CMYA5: variants seen among roughly 807,000 people sequenced by gnomAD.
CMYA5 encodes cardiomyopathy-associated protein 5.
A neutral mutation model predicts 318.9 loss-of-function variants in CMYA5; 246 were observed. That is an observed-to-expected ratio of 0.77 (90% CI 0.70 to 0.86). The LOEUF (loss-of-function observed/expected upper bound fraction) is 0.86, where lower values mean the gene tolerates loss of function less well. CMYA5 is among the 40% of genes least tolerant of loss of function. CMYA5 has a pLI of 0.00. For missense variants in CMYA5, 4,589 were observed against 4,678.2 expected (o/e 0.98, Z 0.56); for synonymous variants, 1,641 against 1,729.5 (o/e 0.95, Z 1.27).
At chr5:79,698,460 C>T (rs983600378) in intron 1 of CMYA5, among the ~76,000 whole-genome samples, 1 of 152,188 alleles carries the variant, frequency 6.6e-6, no homozygotes, top group African/African-American at 2.4e-5. Context: ...TGACTGGCCC[C>T]TGTCTACCTC....
In CMYA5 at chr5:79,734,755, C is replaced by G; in HGVS notation, c.5990C>G (p.Ala1997Gly). 6.2e-7 allele frequency: 1 copy of G among 1,613,748 alleles called. No individual in the cohort carries two copies. The highest frequency in any genetic ancestry group is 8.5e-7 in the Non-Finnish European group (1 of 1,179,804). The change falls in exon 2 of 13, where the codon GCT (alanine) becomes GGT (glycine). Residue 1997 changes from alanine to glycine, a missense_variant. Around this residue, in one of 3 missense-constraint regions of CMYA5, gnomAD observed 2,431 missense variants for 2,495.1 expected, o/e 0.97. Coordinates refer to ENST00000446378, the MANE Select transcript of CMYA5 (RefSeq NM_153610.5). ...LAEEPKSLVL[A>G]GNVERNIAEG... Reference sequence around the variant, plus strand: ...GAAGAACCAAAGTCTTTAGTCCTAGCTGGAAATGTAGAGAGAAACATAGCA... The same window carrying G: ...GAAGAACCAAAGTCTTTAGTCCTAGGTGGAAATGTAGAGAGAAACATAGCA...
Position 79,737,728 on chromosome 5 carries a change from C to T in CMYA5, c.8963C>T (p.Thr2988Ile), listed in dbSNP as rs1360803622. The T allele has an allele frequency of 6.2e-7, 1 of 1,612,184 alleles. No homozygotes were observed. The highest frequency in any genetic ancestry group is 1.7e-5 in the Admixed American group (1 of 59,686). ...TTGGAAGAGAAAGCCTCATTTAAAA[C>T]CATACCACTCCCTGATGATAGTGAA... ...EYLEEKASFK[T>I]IPLPDDSETV... The change falls in exon 2 of 13, where the codon ACC becomes ATC. Residue 2988 changes from threonine (T) to isoleucine (I), a missense_variant. Coordinates refer to ENST00000446378, the MANE Select transcript of CMYA5 (RefSeq NM_153610.5).
chr5:79,706,237 G>T (rs1442989436), intron 1 of CMYA5, among the ~76,000 whole-genome samples: 4 of 152,122 alleles, frequency 2.6e-5, no homozygotes, highest in Non-Finnish European at 4.4e-5. Flanking sequence ...TGATTATGAG[G>T]TGAGATGGTC....
At chr5:79,778,696 C>T (rs890016603) in intron 9 of CMYA5, among the ~76,000 whole-genome samples, 13 of 150,676 alleles carry the variant, frequency 8.6e-5, no homozygotes, top group African/African-American at 1.5e-4. Flanking sequence ...AATTTTTTAC[C>T]GTGCATATTT....
intron 1 of CMYA5, among the ~76,000 whole-genome samples, chr5:79,717,904 T>A (rs1179127754): frequency 4.3e-5 from 2 of 46,962 alleles, no homozygotes; most frequent in African/African-American, 3.4e-4. Flanking sequence ...TTTTTTTTTT[T>A]TTGAGACGGA....
chr5:79,691,216 A>C (rs1489050505), intron 1 of CMYA5, among the ~76,000 whole-genome samples: 1 of 152,210 alleles, frequency 6.6e-6, no homozygotes, highest in Non-Finnish European at 1.5e-5. Context: ...GACTACAAAC[A>C]GGAAGAGCAG....
At chr5:79,690,457 G>A (rs1826946440) in intron 1 of CMYA5, among the ~76,000 whole-genome samples, 1 of 152,154 alleles carries the variant, frequency 6.6e-6, no homozygotes, top group Admixed American at 6.5e-5. Flanking sequence ...TCCGATGAAT[G>A]GCGGTCTCCC....
At chr5:79,728,330 TTTC>T (rs201404012) in intron 1 of CMYA5, among the ~76,000 whole-genome samples, 25 of 138,130 alleles carry the variant, frequency 1.8e-4, no homozygotes, top group East Asian at 9.5e-4. Flanking sequence ...TTTTTTTTTT[TTTC>T]TTCTGTGGAT....
In CMYA5 at chr5:79,735,173, C is replaced by T; in HGVS notation, c.6408C>T (p.Ser2136=). 1.2e-6 allele frequency: 2 copies of T among 1,613,664 alleles called. No homozygotes were observed. Among genetic ancestry groups the T allele is most frequent in the Non-Finnish European group, 1.7e-6 (2 of 1,179,768 alleles). The change falls in exon 2 of 13, where the codon TCC becomes TCT. Residue 2136 remains serine, a synonymous_variant. Coordinates refer to ENST00000446378, the MANE Select transcript of CMYA5 (RefSeq NM_153610.5). ...TACCCACACAAAGAAAACCCATCTC[C>T]TCAATCCATGCAAGAGAGCCTCAAT... ...VKIPTQRKPI[S]SIHAREPQSP...
intron 9 of CMYA5, among the ~76,000 whole-genome samples, chr5:79,769,193 C>A (rs1828811149): frequency 2.0e-5 from 3 of 151,884 alleles, no homozygotes; most frequent in African/African-American, 4.8e-5. Context: ...TTAGAAATTC[C>A]TCTAACCTTT....
intron 1 of CMYA5, among the ~76,000 whole-genome samples, chr5:79,723,459 A>AAG (rs397762693): frequency 4.1e-5 from 6 of 147,116 alleles, no homozygotes; most frequent in Non-Finnish European, 9.0e-5. Flanking sequence ...AAAAAAAAAA[A>AAG]GAAAAGAAAA....
chr5:79,774,633 A>G (rs943415150), intron 9 of CMYA5, among the ~76,000 whole-genome samples: 10 of 152,182 alleles, frequency 6.6e-5, no homozygotes, highest in Non-Finnish European at 1.3e-4. Flanking sequence ...GGCTGAGGCT[A>G]TGGGCTGGGG....
In CMYA5 at chr5:79,732,891, G is replaced by A; in HGVS notation, c.4126G>A (p.Asp1376Asn). 1 of 1,613,744 alleles carries A rather than the reference G, an allele frequency of 6.2e-7. No individual in the cohort carries two copies. The highest frequency in any genetic ancestry group is 8.5e-7 in the Non-Finnish European group (1 of 1,179,796). Reference protein sequence around the residue: ...TRAVKEEIPTDSSLITPVDRP... With the variant: ...TRAVKEEIPTNSSLITPVDRP... Reference sequence around the variant, plus strand: ...AGCAGTAAAAGAAGAAATCCCAACAGATTCATCTCTTATCACTCCTGTAGA... The same window carrying A: ...AGCAGTAAAAGAAGAAATCCCAACAAATTCATCTCTTATCACTCCTGTAGA... Residue 1376 changes from aspartate to asparagine, a missense_variant, in exon 2 of 13, where the codon GAT becomes AAT. Around this residue, in one of 3 missense-constraint regions of CMYA5, gnomAD observed 2,132 missense variants for 2,131.3 expected, o/e 1.00. Transcript: ENST00000446378.
chr5:79,732,875 A>T lies in CMYA5; in HGVS notation c.4110A>T (p.Lys1370Asn). The change falls in exon 2 of 13, where the codon AAA becomes AAT. Residue 1370 changes from lysine (K) to asparagine (N), a missense_variant. Transcript: ENST00000446378. ...KLDSNLTRAVKEEIPTDSSLI... is the reference protein window; with the variant it reads ...KLDSNLTRAVNEEIPTDSSLI... The stretch of plus-strand genomic sequence containing the variant: ...ATTCAAACTTAACCAGAGCAGTAAA[A>T]GAAGAAATCCCAACAGATTCATCTC... 1 of 1,613,808 alleles carries T rather than the reference A, an allele frequency of 6.2e-7. No homozygotes were observed. Among genetic ancestry groups the T allele is most frequent in the South Asian group, 1.1e-5 (1 of 91,048 alleles).
Position 79,729,821 on chromosome 5 carries a change from A to G in CMYA5, c.1056A>G (p.Glu352=). The G allele has an allele frequency of 6.2e-7, 1 of 1,613,502 alleles. No homozygotes were observed. Among genetic ancestry groups the G allele is most frequent in the Non-Finnish European group, 8.5e-7 (1 of 1,179,650 alleles). The stretch of plus-strand genomic sequence containing the variant: ...CTTATTCAAGTAGTGGCAGAGCAGA[A>G]CAAGGAATACAGCTCAGGCATTCAC... ...VPSYSSSGRA[E]QGIQLRHSQS... Residue 352 remains glutamate, a synonymous_variant, in exon 2 of 13, where the codon GAA becomes GAG. Transcript: ENST00000446378.
intron 4 of CMYA5, 134 bp downstream of exon 4, chr5:79,745,589 CATT>C (rs1375769541): frequency 1.4e-6 from 1 of 691,052 alleles, no homozygotes; most frequent in African/African-American, 1.8e-5. Flanking sequence ...GGCATTTAAA[CATT>C]ATTTGGGCAT....
Position 79,729,899 on chromosome 5 carries a change from T to TC in CMYA5, c.1136dup (p.Ser380IlefsTer20). 10 of 1,613,042 alleles carry TC rather than the reference T, an allele frequency of 6.2e-6. No homozygotes were observed. The highest frequency in any genetic ancestry group is 8.5e-6 in the Non-Finnish European group (10 of 1,179,494). ...AAGCAAAACCACATGAAGTGGAACCTCCATCTGTGACACCCGACACACCTG... is the reference window on the plus strand; with the variant it reads ...AAGCAAAACCACATGAAGTGGAACCTCCCATCTGTGACACCCGACACACCTG... On this transcript the variant is annotated frameshift_variant, in exon 2 of 13. Coordinates refer to ENST00000446378, the MANE Select transcript of CMYA5 (RefSeq NM_153610.5). LOFTEE classifies it high-confidence loss of function.
chr5:79,778,825 G>T (rs1291935984), intron 9 of CMYA5, among the ~76,000 whole-genome samples: 1 of 117,076 alleles, frequency 8.5e-6, no homozygotes, highest in Non-Finnish European at 1.6e-5. Flanking sequence ...GTGTGTGTGT[G>T]TGTGTGTGTG....
In CMYA5 at chr5:79,733,330, T is replaced by G. The variant is rs746462149; in HGVS notation, c.4565T>G (p.Val1522Gly). The change falls in exon 2 of 13, where the codon GTG (valine) becomes GGG (glycine). Residue 1522 changes from valine (V) to glycine (G), a missense_variant. Val to Gly is a moderately radical substitution (Grantham distance 109). Coordinates refer to ENST00000446378, the MANE Select transcript of CMYA5 (RefSeq NM_153610.5). ...QKKSLMSTSEVLEPEHELPLS... is the reference protein window; with the variant it reads ...QKKSLMSTSEGLEPEHELPLS... ...AAGAGCTTGATGTCTACCTCAGAGG[T>G]GTTAGAGCCTGAACATGAGCTTCCA... The G allele has an allele frequency of 6.2e-7, 1 of 1,613,576 alleles. No individual in the cohort carries two copies. The highest frequency in any genetic ancestry group is 8.5e-7 in the Non-Finnish European group (1 of 1,179,796).
Sources: gnomAD v4.1 joint callset for allele counts (sites outside exome capture counted in the v4.1 genomes callset) on GRCh38, gnomAD v4.1.1 for gene constraint, gnomAD v4.1.1 regional missense constraint, MANE v1.5 for transcripts, NCBI Gene and HGNC (gene_info 2026-07-23, HGNC 2026-07-21) for gene names.